MARCHF4: variants seen among roughly 807,000 people sequenced by gnomAD.
MARCHF4 encodes membrane associated ring-CH-type finger 4, also known as E3 ubiquitin-protein ligase MARCHF4.
MARCHF4 carries 14 observed loss-of-function variants against 43.9 expected under a neutral mutation model. The observed-to-expected ratio is 0.32, with a 90% CI of 0.21 to 0.50. MARCHF4 has a LOEUF of 0.50. Ranked by LOEUF, MARCHF4 falls within the 20% of genes least tolerant of loss-of-function variation. The pLI, the probability that MARCHF4 is intolerant of heterozygous loss-of-function variation, is 0.98. For synonymous variants in MARCHF4, 226 were observed against 213.3 expected (o/e 1.06, Z -0.52); for missense variants, 468 against 536.7 (o/e 0.87, Z 1.27).
intron 1 of MARCHF4, among the ~76,000 whole-genome samples, chr2:216,347,040 G>T (rs1692331748): frequency 6.6e-6 from 1 of 152,172 alleles, no homozygotes; most frequent in Non-Finnish European, 1.5e-5. Flanking sequence ...GTAAGGATGT[G>T]CCTGCTTCCC....
At chr2:216,325,133 CA>C (rs1387393204) in intron 1 of MARCHF4, among the ~76,000 whole-genome samples, 5 of 152,164 alleles carry the variant, frequency 3.3e-5, no homozygotes, top group Non-Finnish European at 7.3e-5. Context: ...GATACAAAAT[CA>C]ATGTACAAAA....
intron 1 of MARCHF4, among the ~76,000 whole-genome samples, chr2:216,289,181 A>G (rs1010358326): frequency 2.6e-5 from 4 of 151,298 alleles, no homozygotes; most frequent in African/African-American, 9.7e-5. Context: ...AGAGGAATTT[A>G]TATTAACGAG....
At chr2:216,322,761 G>A (rs1165621609) in intron 1 of MARCHF4, among the ~76,000 whole-genome samples, 1 of 152,156 alleles carries the variant, frequency 6.6e-6, no homozygotes, top group Non-Finnish European at 1.5e-5. Flanking sequence ...GGTGGAGGTT[G>A]CAGTGAGCCA....
intron 1 of MARCHF4, among the ~76,000 whole-genome samples, chr2:216,303,848 C>T (rs959103243): frequency 6.6e-6 from 1 of 152,174 alleles, no homozygotes. Context: ...TGAAAAGCAA[C>T]ACCAGATTCC....
intron 1 of MARCHF4, among the ~76,000 whole-genome samples, chr2:216,305,981 C>T (rs1691580629): frequency 1.3e-5 from 2 of 152,174 alleles, no homozygotes; most frequent in South Asian, 4.1e-4. Flanking sequence ...CACCCCACCC[C>T]TCCTGCACCA....
At chr2:216,294,283 C>T (rs1407791133) in intron 1 of MARCHF4, among the ~76,000 whole-genome samples, 1 of 152,244 alleles carries the variant, frequency 6.6e-6, no homozygotes, top group Admixed American at 6.5e-5. Context: ...GCAGAGGGAT[C>T]CCAGCCTCAG....
At chr2:216,358,768 T>G (rs901251505) in intron 1 of MARCHF4, among the ~76,000 whole-genome samples, 1 of 152,104 alleles carries the variant, frequency 6.6e-6, no homozygotes, top group African/African-American at 2.4e-5. Context: ...AGGATTATAC[T>G]CCCCACCCCT....
chr2:216,345,807 A>G (rs867580965), intron 1 of MARCHF4, among the ~76,000 whole-genome samples: 1 of 152,194 alleles, frequency 6.6e-6, no homozygotes, highest in Non-Finnish European at 1.5e-5. Context: ...CAATTCAACA[A>G]GGACTCCAGC....
chr2:216,283,253 C>T lies in MARCHF4; in HGVS notation c.672+321G>A, dbSNP rs554592675. On this transcript the variant is annotated intron_variant, in intron 2 of 3. Transcript: ENST00000273067. The stretch of plus-strand genomic sequence containing the variant: ...TCCTTTCCTTTCCTTCTTTCTTCCT[C>T]TCCTTTCTGCATTCATTTATTCATC... 4.6e-5 allele frequency among the ~76,000 whole-genome samples: 7 copies of T among 152,112 alleles called. No homozygotes were observed. The East Asian group carries it at 1.3e-3, about 29-fold the overall frequency.
At chr2:216,291,961 T>C (rs888991642) in intron 1 of MARCHF4, among the ~76,000 whole-genome samples, 2 of 152,244 alleles carry the variant, frequency 1.3e-5, no homozygotes, top group African/African-American at 4.8e-5. Flanking sequence ...TTGCCTTCTG[T>C]CTCTTCTCCC....
chr2:216,354,022 A>T (rs549331486), intron 1 of MARCHF4, among the ~76,000 whole-genome samples: 14 of 152,284 alleles, frequency 9.2e-5, no homozygotes, highest in African/African-American at 3.1e-4. Flanking sequence ...ATCAACCAAG[A>T]TGGCTTTGTG....
At chr2:216,369,641 C>T in intron 1 of MARCHF4, 104 bp downstream of exon 1, 1 of 930,650 alleles carries the variant, frequency 1.1e-6, no homozygotes, top group Non-Finnish European at 1.6e-6. Context: ...ATAGAGTCCT[C>T]ATACTAAAGA....
chr2:216,289,052 CAT>C (rs56047113), intron 1 of MARCHF4, among the ~76,000 whole-genome samples: 139,548 of 145,512 alleles, frequency 0.96, 67,164 homozygotes, highest in Non-Finnish European at 1. Flanking sequence ...TATATATAAA[CAT>C]ATATATATAT....
chr2:216,309,639 A>C (rs552993427), intron 1 of MARCHF4, among the ~76,000 whole-genome samples: 1 of 152,160 alleles, frequency 6.6e-6, no homozygotes, highest in African/African-American at 2.4e-5. Context: ...GGAAAAAACT[A>C]TTTTAGTCTG....
chr2:216,279,882 C>A (rs971846876), intron 2 of MARCHF4, among the ~76,000 whole-genome samples: 3 of 152,222 alleles, frequency 2.0e-5, no homozygotes, highest in African/African-American at 4.8e-5. Context: ...GGCCTGCCCT[C>A]CTGCCTGGAA....
At chr2:216,314,879 T>A (rs1005644024) in intron 1 of MARCHF4, among the ~76,000 whole-genome samples, 3 of 152,034 alleles carry the variant, frequency 2.0e-5, no homozygotes, top group Non-Finnish European at 4.4e-5. Context: ...CACAGATAAA[T>A]ATTTTTACAA....
intron 1 of MARCHF4, among the ~76,000 whole-genome samples, chr2:216,312,689 T>C (rs1414720568): frequency 1.3e-5 from 2 of 152,026 alleles, no homozygotes; most frequent in Admixed American, 6.6e-5. Context: ...GATGTCTTCT[T>C]TCGAGAAATG....
At chr2:216,280,480 C>T (rs1691110853) in intron 2 of MARCHF4, among the ~76,000 whole-genome samples, 1 of 152,212 alleles carries the variant, frequency 6.6e-6, no homozygotes, top group South Asian at 2.1e-4. Context: ...GGACCCTCAA[C>T]TTTCCTTTCT....
chr2:216,321,923 C>A (rs923650754), intron 1 of MARCHF4, among the ~76,000 whole-genome samples: 1 of 152,188 alleles, frequency 6.6e-6, no homozygotes, highest in Admixed American at 6.5e-5. Flanking sequence ...ATTGCAGTGA[C>A]TAGCTTCTCC....
Sources: gnomAD v4.1 joint callset for allele counts (sites outside exome capture counted in the v4.1 genomes callset) on GRCh38, gnomAD v4.1.1 for gene constraint, MANE v1.5 for transcripts, NCBI Gene and HGNC (gene_info 2026-07-23, HGNC 2026-07-21) for gene names.